The following SNX18 variants were observed in gnomAD, a reference collection of about 807,000 sequenced individuals.
SNX18 encodes the protein sorting nexin 18.
A neutral mutation model predicts 48.7 loss-of-function variants in SNX18; 35 were observed. The ratio of observed to expected loss-of-function variants is 0.72; its 90% CI spans 0.55 to 0.95. SNX18 has a LOEUF of 0.95. SNX18 is among the 40% of genes least tolerant of loss of function. SNX18 has a pLI of 0.00. For synonymous variants in SNX18, 492 were observed against 384.7 expected (o/e 1.28, Z -3.26); for missense variants, 824 against 871.0 (o/e 0.95, Z 0.68).
At chr5:54,571,188 C>G in the SNX18 span, among the ~76,000 whole-genome samples, 1 of 152,030 alleles carries the variant, frequency 6.6e-6, no homozygotes, top group South Asian at 2.1e-4. Flanking sequence ...GTGACTTCCT[C>G]TACGCAGAAG....
chr5:54,546,009 G>A lies in SNX18; in HGVS notation c.*2577G>A, dbSNP rs113909626. The A allele has an allele frequency of 2.0e-5, 3 of 152,244 alleles. No homozygotes were observed. The highest frequency in any genetic ancestry group is 7.2e-5 in the African/African-American group (3 of 41,536). The allele number at this position is 152,244 out of a possible 1,614,324, so 9.4% of individuals were successfully genotyped here. Reference sequence around the variant, plus strand: ...CTGTAACTGTAACGCAGCGAGACTGGTTCTACAGCCATGTGTCGTAATCTT... The same window carrying A: ...CTGTAACTGTAACGCAGCGAGACTGATTCTACAGCCATGTGTCGTAATCTT... On this transcript the variant is annotated 3_prime_UTR_variant, in exon 2 of 2. Coordinates refer to ENST00000381410, the MANE Select transcript of SNX18 (RefSeq NM_001102575.2).
At chr5:54,539,950 C>A (rs988600266) in intron 1 of SNX18, among the ~76,000 whole-genome samples, 1 of 152,028 alleles carries the variant, frequency 6.6e-6, no homozygotes, top group African/African-American at 2.4e-5. Context: ...CGGCTCACTG[C>A]AACCTCCGCC....
At chr5:54,537,681 T>A (rs1314525097) in intron 1 of SNX18, among the ~76,000 whole-genome samples, 1 of 152,078 alleles carries the variant, frequency 6.6e-6, no homozygotes, top group Admixed American at 6.5e-5. Flanking sequence ...GGGAGGGGGC[T>A]GGCAAGGGGG....
the SNX18 span, among the ~76,000 whole-genome samples, chr5:54,641,692 G>A: frequency 6.6e-6 from 1 of 152,202 alleles, no homozygotes; most frequent in Non-Finnish European, 1.5e-5. Flanking sequence ...TATTCTGTAA[G>A]TGACAGGGAA....
At position 54,518,754 on chromosome 5, in the gene SNX18, G is replaced by A. The variant is rs1237329672; in HGVS notation, c.802G>A (p.Glu268Lys). 5 of 1,606,158 alleles carry A rather than the reference G, an allele frequency of 3.1e-6. No individual in the cohort carries two copies. The African/African-American group carries it at 6.7e-5, about 21-fold the overall frequency. The change falls in exon 1 of 2, where the codon GAG becomes AAG. Residue 268 changes from glutamate to lysine, a missense_variant. Transcript: ENST00000381410. ...CGTGGTGCTGGGGCCCTATGGCCCC[G>A]AGTGGCAGGAGAACCCCTACCCGTT... ...LCVVLGPYGPEWQENPYPFQC... is the reference protein window; with the variant it reads ...LCVVLGPYGPKWQENPYPFQC...
At chr5:54,628,295 G>T in the SNX18 span, among the ~76,000 whole-genome samples, 3 of 152,196 alleles carry the variant, frequency 2.0e-5, no homozygotes, top group African/African-American at 7.2e-5. Context: ...GAGGTCATCT[G>T]CAGTGACCCA....
chr5:54,646,487 G>A, the SNX18 span, among the ~76,000 whole-genome samples: 1 of 152,232 alleles, frequency 6.6e-6, no homozygotes, highest in Non-Finnish European at 1.5e-5. Context: ...CCGCATTGCG[G>A]GGGAGACAGG....
At chr5:54,557,658 C>T in the SNX18 span, among the ~76,000 whole-genome samples, 2 of 152,260 alleles carry the variant, frequency 1.3e-5, no homozygotes, top group South Asian at 2.1e-4. Context: ...TACAGATTTT[C>T]AGAGTTTCAG....
chr5:54,647,137 A>T, the SNX18 span, among the ~76,000 whole-genome samples: 1 of 152,230 alleles, frequency 6.6e-6, no homozygotes, highest in Non-Finnish European at 1.5e-5. Context: ...TATATTCAGG[A>T]TATTTAACAA....
At chr5:54,567,230 C>CGT in the SNX18 span, among the ~76,000 whole-genome samples, 5 of 150,072 alleles carry the variant, frequency 3.3e-5, no homozygotes, top group South Asian at 4.2e-4. Context: ...TGTGTGTGTG[C>CGT]GTGTGTGTGT....
the SNX18 span, among the ~76,000 whole-genome samples, chr5:54,580,653 A>G: frequency 2.0e-5 from 3 of 152,226 alleles, no homozygotes; most frequent in Admixed American, 1.3e-4. Context: ...TGACTAGTGC[A>G]GAAAAAGAAA....
At chr5:54,593,941 A>C in the SNX18 span, among the ~76,000 whole-genome samples, 3,594 of 152,370 alleles carry the variant, frequency 0.024, 53 homozygotes, top group Non-Finnish European at 0.037. Flanking sequence ...AGAAAAGATA[A>C]GAAATCCTTG....
At chr5:54,613,171 G>A in the SNX18 span, among the ~76,000 whole-genome samples, 4 of 152,298 alleles carry the variant, frequency 2.6e-5, no homozygotes, top group South Asian at 4.1e-4. Context: ...CTGGGCTGAC[G>A]GCAACTTGGG....
the SNX18 span, among the ~76,000 whole-genome samples, chr5:54,611,306 C>T: frequency 0.053 from 8,032 of 152,204 alleles, 286 homozygotes; most frequent in Non-Finnish European, 0.082. Context: ...CCTCACCCGC[C>T]CCAGTAGGAA....
chr5:54,539,074 G>A (rs750176083), intron 1 of SNX18, among the ~76,000 whole-genome samples: 6 of 151,820 alleles, frequency 4.0e-5, no homozygotes, highest in African/African-American at 7.3e-5. Flanking sequence ...ACTTTATTAC[G>A]CAGGCTGGAG....
intron 1 of SNX18, among the ~76,000 whole-genome samples, chr5:54,523,494 G>T (rs1357818236): frequency 6.6e-6 from 1 of 150,976 alleles, no homozygotes. Context: ...TGGCTAGAGG[G>T]AGTTCCTTTA....
chr5:54,533,526 A>G (rs1762289456), intron 1 of SNX18, among the ~76,000 whole-genome samples: 1 of 152,184 alleles, frequency 6.6e-6, no homozygotes, highest in East Asian at 1.9e-4. Context: ...TGGGTAGGGT[A>G]TCCCCCCTTG....
At chr5:54,526,127 T>C (rs745696330) in intron 1 of SNX18, among the ~76,000 whole-genome samples, 4 of 152,168 alleles carry the variant, frequency 2.6e-5, no homozygotes, top group Non-Finnish European at 5.9e-5. Context: ...TTTTTAAAGA[T>C]GGAGTCTTGC....
chr5:54,535,434 G>C lies in SNX18; in HGVS notation c.1622-7745G>C, dbSNP rs145881025. Among the ~76,000 whole-genome samples the C allele has an allele frequency of 1.7e-3, 265 of 152,268 alleles. 1 individual carries two copies. Among genetic ancestry groups the C allele is most frequent in the African/African-American group, 6.1e-3 (255 of 41,552 alleles). On this transcript the variant is annotated intron_variant, in intron 1 of 1. Transcript: ENST00000381410. ...TCAGCGTGGGAATCTAGGAGGTTTT[G>C]TTAATAACAAATCCTAAAGCAAAGT...
Sources: gnomAD v4.1 joint callset for allele counts (sites outside exome capture counted in the v4.1 genomes callset) on GRCh38, gnomAD v4.1.1 for gene constraint, MANE v1.5 for transcripts, NCBI Gene and HGNC (gene_info 2026-07-23, HGNC 2026-07-21) for gene names.